IMMP2L: variants seen among roughly 807,000 people sequenced by gnomAD.
IMMP2L encodes the protein inner mitochondrial membrane peptidase subunit 2.
In IMMP2L, 18 loss-of-function variants were observed where a neutral mutation model predicts 19.3. The observed-to-expected ratio is 0.93, with a 90% CI of 0.64 to 1.38. The LOEUF is 1.38. Ranked by LOEUF, IMMP2L falls within the 40% of genes most tolerant of loss-of-function variation. The pLI is 0.00. For synonymous variants in IMMP2L, 76 were observed against 73.0 expected, an observed-to-expected ratio of 1.04 and a Z score of -0.21; for missense variants, 233 against 218.2, an observed-to-expected ratio of 1.07 and a Z score of -0.43.
chr7:110,739,762 TC>T (rs1796877978), intron 5 of IMMP2L, among the ~76,000 whole-genome samples: 1 of 152,118 alleles, frequency 6.6e-6, no homozygotes, highest in Admixed American at 6.5e-5. Context: ...GAATATACAT[TC>T]TATTCATCAG....
At chr7:111,124,929 G>C in intron 3 of IMMP2L, 32 of 1,008,662 alleles carry the variant, frequency 3.2e-5, no homozygotes, top group Admixed American at 4.0e-5. Context: ...CTCCAAAAAT[G>C]AACAAAAAAA....
At chr7:111,109,548 A>T (rs1169096603) in intron 3 of IMMP2L, among the ~76,000 whole-genome samples, 1 of 152,176 alleles carries the variant, frequency 6.6e-6, no homozygotes, top group Non-Finnish European at 1.5e-5. Flanking sequence ...CAGAGCTCAC[A>T]GGAAGAGACC....
At chr7:111,079,095 T>C (rs1795660829) in intron 3 of IMMP2L, among the ~76,000 whole-genome samples, 1 of 152,152 alleles carries the variant, frequency 6.6e-6, no homozygotes, top group South Asian at 2.1e-4. Flanking sequence ...CATGTTTCAT[T>C]GAATTAAATA....
intron 3 of IMMP2L, among the ~76,000 whole-genome samples, chr7:111,016,839 T>TA (rs371361698): frequency 0.15 from 10,517 of 69,504 alleles, 872 homozygotes; most frequent in East Asian, 0.39. Context: ...ATAGTATATA[T>TA]TATATATAAT....
intron 3 of IMMP2L, among the ~76,000 whole-genome samples, chr7:111,296,852 A>G (rs1167151764): frequency 6.6e-6 from 1 of 152,070 alleles, no homozygotes; most frequent in Non-Finnish European, 1.5e-5. Context: ...AATGAAATGC[A>G]AAAAACTAGA....
chr7:110,810,336 T>A (rs943317260), intron 5 of IMMP2L, among the ~76,000 whole-genome samples: 5 of 151,998 alleles, frequency 3.3e-5, no homozygotes, highest in Non-Finnish European at 7.4e-5. Flanking sequence ...GTGAGAAAAA[T>A]TCAGCTATAA....
intron 3 of IMMP2L, among the ~76,000 whole-genome samples, chr7:111,481,805 G>A (rs1842214114): frequency 6.6e-6 from 1 of 152,146 alleles, no homozygotes; most frequent in Non-Finnish European, 1.5e-5. Flanking sequence ...ATACAGCAGT[G>A]TACAATGGGA....
chr7:110,908,793 C>T (rs1204170983), intron 4 of IMMP2L, among the ~76,000 whole-genome samples: 1 of 152,162 alleles, frequency 6.6e-6, no homozygotes, highest in African/African-American at 2.4e-5. Flanking sequence ...ACTGGATTCA[C>T]AAATGAAATT....
At chr7:111,214,681 C>T (rs562042507) in intron 3 of IMMP2L, among the ~76,000 whole-genome samples, 1 of 150,352 alleles carries the variant, frequency 6.7e-6, no homozygotes, top group East Asian at 1.9e-4. Context: ...TGTTAAATCT[C>T]ACCTAAATAA....
rs1791257382 is a variant in IMMP2L at position 111,035,571 on chromosome 7, AACATTGTATACATGCTG to A, written c.240-72023_240-72007del. Among the ~76,000 whole-genome samples, 6 of 152,300 alleles carry A rather than the reference AACATTGTATACATGCTG, an allele frequency of 3.9e-5. No individual in the cohort carries two copies. The South Asian group carries it at 1.2e-3, about 32-fold the overall frequency. On this transcript the variant is annotated intron_variant, in intron 3 of 5. Transcript: ENST00000405709. ...GTGATTGTGCAGCCATAATTTTTGC[AACATTGTATACATGCTG>A]ACATATACCAACGCTAGCAATAATA...
At chr7:111,084,962 G>A (rs1482814121) in intron 3 of IMMP2L, among the ~76,000 whole-genome samples, 1 of 152,118 alleles carries the variant, frequency 6.6e-6, no homozygotes. Context: ...GGATTTTGTG[G>A]AAATATTGCT....
At chr7:111,329,482 G>A (rs1478753471) in intron 3 of IMMP2L, among the ~76,000 whole-genome samples, 1 of 151,744 alleles carries the variant, frequency 6.6e-6, no homozygotes, top group Non-Finnish European at 1.5e-5. Flanking sequence ...AGGAGTTAAG[G>A]GCAGGTTGAA....
intron 3 of IMMP2L, among the ~76,000 whole-genome samples, chr7:111,388,077 C>G (rs1831967039): frequency 6.6e-6 from 1 of 151,334 alleles, no homozygotes; most frequent in South Asian, 2.1e-4. Context: ...CCTGCTCAGC[C>G]AAATCACTTT....
chr7:111,289,256 G>A (rs1044928502), intron 3 of IMMP2L, among the ~76,000 whole-genome samples: 1 of 151,780 alleles, frequency 6.6e-6, no homozygotes, highest in African/African-American at 2.4e-5. Context: ...CATCACACAT[G>A]GGGGCTTGTC....
At chr7:110,821,682 G>T (rs925046473) in intron 5 of IMMP2L, among the ~76,000 whole-genome samples, 36 of 151,990 alleles carry the variant, frequency 2.4e-4, no homozygotes, top group African/African-American at 8.5e-4. Flanking sequence ...GGAGGCCGAG[G>T]TAGGCAGATC....
chr7:110,860,444 G>A (rs546229058), intron 5 of IMMP2L, among the ~76,000 whole-genome samples: 4 of 152,128 alleles, frequency 2.6e-5, no homozygotes, highest in Admixed American at 1.3e-4. Flanking sequence ...CCAATTGAAT[G>A]TTGACAGATA....
At chr7:110,858,979 T>C (rs1807100653) in intron 5 of IMMP2L, among the ~76,000 whole-genome samples, 2 of 152,140 alleles carry the variant, frequency 1.3e-5, no homozygotes, top group African/African-American at 4.8e-5. Context: ...TTCTTTCTAC[T>C]TTCTGATCAT....
chr7:111,130,499 T>C (rs1051352116), intron 3 of IMMP2L, among the ~76,000 whole-genome samples: 2 of 152,138 alleles, frequency 1.3e-5, no homozygotes, highest in African/African-American at 4.8e-5. Flanking sequence ...CTCATTAAAA[T>C]ATATGGTTCA....
Position 110,987,517 on chromosome 7 carries a change from C to T in IMMP2L, c.240-23952G>A, listed in dbSNP as rs139932240. 5.2e-3 allele frequency among the ~76,000 whole-genome samples: 799 copies of T among 152,224 alleles called. 5 individuals carry two copies. Among genetic ancestry groups the T allele is most frequent in the Middle Eastern group, 0.014 (4 of 294 alleles). ...GGGATAGCATTTCCCAAACTGCGTT[C>T]CAGGGAACACTAGTTTTAGGAATGC... On this transcript the variant is annotated intron_variant, in intron 3 of 5. Coordinates refer to ENST00000405709, the MANE Select transcript of IMMP2L (RefSeq NM_032549.4).
Sources: allele counts gnomAD v4.1 joint callset (sites outside exome capture counted in the v4.1 genomes callset), GRCh38; gene constraint gnomAD v4.1.1; transcripts MANE v1.5; gene names NCBI Gene and HGNC (gene_info 2026-07-23, HGNC 2026-07-21).